The following PGM2L1 variants were observed in gnomAD, a reference collection of about 807,000 sequenced individuals.
PGM2L1 encodes the protein phosphoglucomutase 2 like 1.
In PGM2L1, 35 loss-of-function variants were observed where a neutral mutation model predicts 73.4. That is an observed-to-expected ratio of 0.48 (90% CI 0.36 to 0.63). The LOEUF (loss-of-function observed/expected upper bound fraction) is 0.63. Among genes scored for constraint, PGM2L1 ranks in the 30% least tolerant of loss-of-function variants. The pLI, the probability that PGM2L1 is intolerant of heterozygous loss-of-function variation, is 0.00. For missense variants in PGM2L1, 570 were observed against 742.0 expected, an observed-to-expected ratio of 0.77 and a Z score of 2.69; for synonymous variants, 225 against 253.8, an observed-to-expected ratio of 0.89 and a Z score of 1.08.
In PGM2L1 at chr11:74,345,284, C is replaced by T. The variant is rs115372674; in HGVS notation, c.1218+185G>A. 1.1e-3 allele frequency among the ~76,000 whole-genome samples: 165 copies of T among 152,022 alleles called. 1 individual carries two copies. Among genetic ancestry groups the T allele is most frequent in the African/African-American group, 2.9e-3 (120 of 41,434 alleles). ...CATCTTAGTCCCAGAAATTCATATACGGTACTGGATGAATTTTGGCTCAAG... is the reference window on the plus strand; with the variant it reads ...CATCTTAGTCCCAGAAATTCATATATGGTACTGGATGAATTTTGGCTCAAG... On this transcript the variant is annotated intron_variant, in intron 9 of 13. Coordinates refer to ENST00000298198, the MANE Select transcript of PGM2L1 (RefSeq NM_173582.6).
chr11:74,373,717 C>G (rs189757324), intron 2 of PGM2L1, among the ~76,000 whole-genome samples: 165 of 152,306 alleles, frequency 1.1e-3, no homozygotes, highest in African/African-American at 3.8e-3. Flanking sequence ...TTTCCAAATA[C>G]TCTGGTTAAC....
In PGM2L1 at chr11:74,336,574, A is replaced by G; in HGVS notation, c.*78T>C. On this transcript the variant is annotated 3_prime_UTR_variant, in exon 14 of 14. Coordinates refer to ENST00000298198, the MANE Select transcript of PGM2L1 (RefSeq NM_173582.6). ...CAGATGAGATAGAGAGAGAATGCTA[A>G]CACAAGGTTCAATGTATGCAGTTCT... 2.3e-6 allele frequency: 2 copies of G among 869,646 alleles called. No individual in the cohort carries two copies. The highest frequency in any genetic ancestry group is 2.5e-5 in the South Asian group (1 of 39,790). The allele number at this position is 869,646 out of a possible 1,614,324, so 53.9% of individuals were successfully genotyped here.
chr11:74,366,717 G>A (rs1862665875), intron 5 of PGM2L1, among the ~76,000 whole-genome samples: 1 of 152,088 alleles, frequency 6.6e-6, no homozygotes, highest in African/African-American at 2.4e-5. Flanking sequence ...CTGGAGAACA[G>A]AAGGGAGCAG....
At chr11:74,337,060 A>ATGTTGTT (rs1184557578) in intron 13 of PGM2L1, among the ~76,000 whole-genome samples, 31 of 152,346 alleles carry the variant, frequency 2.0e-4, no homozygotes, top group African/African-American at 7.0e-4. Flanking sequence ...GGCTTTGAAC[A>ATGTTGTT]CAAATACCAG....
chr11:74,340,558 C>G (rs147017788), intron 12 of PGM2L1, among the ~76,000 whole-genome samples: 23 of 152,250 alleles, frequency 1.5e-4, no homozygotes, highest in Middle Eastern at 3.4e-3. Flanking sequence ...AATCTTGAGA[C>G]CACATCAGAA....
At position 74,343,342 on chromosome 11, in the gene PGM2L1, A is replaced by C. The variant is rs751866710; in HGVS notation, c.1293T>G (p.Phe431Leu). Reference sequence around the variant, plus strand: ...ACATACCAATAGACTCTTCAAATGCAAAAAGGACTTCTTTCCCATTTTCCA... The same window carrying C: ...ACATACCAATAGACTCTTCAAATGCCAAAAGGACTTCTTTCCCATTTTCCA... ...DLLENGKEVLFAFEESIGFLC... is the reference protein window; with the variant it reads ...DLLENGKEVLLAFEESIGFLC... Residue 431 changes from phenylalanine (F) to leucine (L), a missense_variant, in exon 10 of 14, where the codon TTT (phenylalanine) becomes TTG (leucine). Phe to Leu is a conservative substitution (Grantham distance 22). Transcript: ENST00000298198. 5 of 1,607,740 alleles carry C rather than the reference A, an allele frequency of 3.1e-6. No homozygotes were observed. The highest frequency in any genetic ancestry group is 3.4e-6 in the Non-Finnish European group (4 of 1,178,400).
chr11:74,381,625 C>T (rs1327479791), intron 1 of PGM2L1, among the ~76,000 whole-genome samples: 4 of 123,474 alleles, frequency 3.2e-5, no homozygotes, highest in Non-Finnish European at 4.7e-5. Context: ...GTTGCTCAGG[C>T]TGGAGTACAG....
intron 6 of PGM2L1, among the ~76,000 whole-genome samples, chr11:74,348,440 A>G (rs1488581606): frequency 1.3e-5 from 2 of 152,196 alleles, no homozygotes; most frequent in African/African-American, 4.8e-5. Flanking sequence ...TTGTCTGTCA[A>G]TCTAGTCTCA....
chr11:74,397,919 C>T, intron 1 of PGM2L1, 132 bp downstream of exon 1: 2 of 1,370,516 alleles, frequency 1.5e-6, no homozygotes, highest in Non-Finnish European at 1.9e-6. Flanking sequence ...GGTGGCAACG[C>T]CCTGCTCCGC....
At chr11:74,387,185 G>A (rs1489344481) in intron 1 of PGM2L1, among the ~76,000 whole-genome samples, 3 of 152,078 alleles carry the variant, frequency 2.0e-5, no homozygotes, top group Admixed American at 6.6e-5. Context: ...ATTACATGCT[G>A]CAGCCAGATT....
chr11:74,379,780 C>G (rs1862911119), intron 1 of PGM2L1, among the ~76,000 whole-genome samples: 2 of 151,934 alleles, frequency 1.3e-5, no homozygotes, highest in African/African-American at 4.8e-5. Context: ...AAAAAATTAG[C>G]CAGGTATGGT....
intron 5 of PGM2L1, among the ~76,000 whole-genome samples, chr11:74,357,966 C>T (rs192182252): frequency 4.5e-3 from 681 of 152,144 alleles, no homozygotes; most frequent in Admixed American, 6.2e-3. Context: ...CTGGAAAAGG[C>T]AAAACTATGG....
chr11:74,373,227 G>A (rs1047296163), intron 2 of PGM2L1, among the ~76,000 whole-genome samples: 2 of 151,998 alleles, frequency 1.3e-5, no homozygotes, highest in African/African-American at 2.4e-5. Context: ...TCTTTACTTC[G>A]AATCAAAGCA....
chr11:74,382,332 G>A (rs1414998287), intron 1 of PGM2L1, among the ~76,000 whole-genome samples: 2 of 152,084 alleles, frequency 1.3e-5, no homozygotes, highest in Non-Finnish European at 2.9e-5. Context: ...GCCATCAAAT[G>A]GAACACCTAC....
Position 74,347,201 on chromosome 11 carries a change from G to T in PGM2L1, c.886C>A (p.Pro296Thr), listed in dbSNP as rs1423081282. ...GGACATTTAACGGTAGAAAAGTCTGGATCAGGATCTTTTTGTTCTGGTACT... is the reference window on the plus strand; with the variant it reads ...GGACATTTAACGGTAGAAAAGTCTGTATCAGGATCTTTTTGTTCTGGTACT... ...IPVPEQKDPD[P>T]DFSTVKCPNP... Residue 296 changes from proline (P) to threonine (T), a missense_variant, in exon 7 of 14, where the codon CCA (proline) becomes ACA (threonine). Pro to Thr is a conservative substitution (Grantham distance 38, BLOSUM62 -1). Coordinates refer to ENST00000298198, the MANE Select transcript of PGM2L1 (RefSeq NM_173582.6). 1.2e-6 allele frequency: 2 copies of T among 1,610,230 alleles called. No homozygotes were observed. The highest frequency in any genetic ancestry group is 2.2e-5 in the South Asian group (2 of 89,902).
chr11:74,358,154 A>G (rs1862491642), intron 5 of PGM2L1, among the ~76,000 whole-genome samples: 1 of 152,222 alleles, frequency 6.6e-6, no homozygotes, highest in Non-Finnish European at 1.5e-5. Context: ...GAACCCTAAC[A>G]TAAACTATGG....
intron 5 of PGM2L1, among the ~76,000 whole-genome samples, chr11:74,367,031 T>C (rs1862670959): frequency 6.6e-6 from 1 of 151,954 alleles, no homozygotes; most frequent in Non-Finnish European, 1.5e-5. Context: ...CAGAGGTAAG[T>C]GTATTCAACT....
intron 12 of PGM2L1, among the ~76,000 whole-genome samples, chr11:74,341,733 A>G (rs1862185980): frequency 6.6e-6 from 1 of 151,272 alleles, no homozygotes; most frequent in Non-Finnish European, 1.5e-5. Context: ...CAATTTTATC[A>G]GAGCCACAAA....
chr11:74,336,781 ATTAT>A, intron 13 of PGM2L1, 27 bp from the exon 14 acceptor site: 1 of 1,494,658 alleles, frequency 6.7e-7, no homozygotes, highest in Non-Finnish European at 9.2e-7. Flanking sequence ...GAGTTTTGGA[ATTAT>A]TTATTTTCAT....
Sources: gnomAD v4.1 joint callset for allele counts (sites outside exome capture counted in the v4.1 genomes callset) on GRCh38, gnomAD v4.1.1 for gene constraint, MANE v1.5 for transcripts, NCBI Gene and HGNC (gene_info 2026-07-23, HGNC 2026-07-21) for gene names.